Variants in PUDP observed in about 807,000 individuals in gnomAD.
PUDP encodes the protein pseudouridine-5'-phosphatase.
In PUDP, 8 loss-of-function variants were observed where a neutral mutation model predicts 9.4. That is an observed-to-expected ratio of 0.85 (90% CI 0.50 to 1.53). The LOEUF is 1.53. Ranked by LOEUF, PUDP falls within the 40% of genes most tolerant of loss-of-function variation. The probability of loss-of-function intolerance (pLI) is 0.00; values close to 1 mark genes in which losing one functional copy is unlikely to be tolerated. For synonymous variants in PUDP, 99 were observed against 80.7 expected (o/e 1.23, Z -1.22); for missense variants, 188 against 189.7 (o/e 0.99, Z 0.05).
At position 7,139,501 on chromosome X, in the gene PUDP, G is replaced by A. The variant is rs369589233; in HGVS notation, c.61+8552C>T. Among the ~76,000 whole-genome samples, 14 of 111,687 alleles carry A rather than the reference G, an allele frequency of 1.3e-4. No homozygotes were observed. In the South Asian group the frequency reaches 2.6e-3, roughly 21 times the overall value. ...GTGCTGGGCTAGAGAGCAGACAGGCGCACAGTGCTCAAGGACCATGTGCTT... is the reference window on the plus strand; with the variant it reads ...GTGCTGGGCTAGAGAGCAGACAGGCACACAGTGCTCAAGGACCATGTGCTT... On this transcript the variant is annotated intron_variant, in intron 1 of 3. Coordinates refer to ENST00000381077, the MANE Select transcript of PUDP (RefSeq NM_012080.5).
intron 1 of PUDP, among the ~76,000 whole-genome samples, chrX:7,033,844 A>G (rs937396676): frequency 5.4e-5 from 6 of 112,107 alleles, no homozygotes; most frequent in East Asian, 2.8e-4. Context: ...TTGTCAATAC[A>G]TATTGGGGTG....
chrX:7,009,349 G>C (rs1929446012), intron 1 of PUDP, among the ~76,000 whole-genome samples: 1 of 112,078 alleles, frequency 8.9e-6, no homozygotes, highest in South Asian at 3.7e-4. Flanking sequence ...AGGGTAGGCA[G>C]ATACTTCGGA....
chrX:6,718,855 G>A (rs1053471962), intron 1 of PUDP, among the ~76,000 whole-genome samples: 2 of 111,947 alleles, frequency 1.8e-5, no homozygotes, highest in Non-Finnish European at 3.8e-5. Context: ...GATAGCTACA[G>A]GGCAAAGAAC....
intron 3 of PUDP, among the ~76,000 whole-genome samples, chrX:6,745,956 T>C (rs1224553287): frequency 8.9e-6 from 1 of 111,996 alleles, no homozygotes; most frequent in Non-Finnish European, 1.9e-5. Flanking sequence ...CCATGTCCTC[T>C]TTCATTGACC....
chrX:6,794,737 T>C (rs1350823052), intron 3 of PUDP, among the ~76,000 whole-genome samples: 1 of 108,987 alleles, frequency 9.2e-6, no homozygotes, highest in Admixed American at 9.9e-5. Flanking sequence ...TTTTTGTGTT[T>C]TTAGTAGAGA....
chrX:6,896,904 AT>A (rs745395495), intron 3 of PUDP, among the ~76,000 whole-genome samples: 1 of 111,264 alleles, frequency 9.0e-6, no homozygotes, highest in Non-Finnish European at 1.9e-5. Flanking sequence ...GAGTAGTATA[AT>A]TATTGCAATT....
chrX:6,732,845 A>G (rs1226239559), intron 3 of PUDP, among the ~76,000 whole-genome samples: 1 of 112,101 alleles, frequency 8.9e-6, no homozygotes, highest in Non-Finnish European at 1.9e-5. Flanking sequence ...CTAACCACTG[A>G]GTACCATTTT....
chrX:6,853,166 G>A (rs748974643), intron 3 of PUDP, among the ~76,000 whole-genome samples: 49 of 111,347 alleles, frequency 4.4e-4, no homozygotes, highest in South Asian at 1.9e-3. Context: ...TGCAGCTGTC[G>A]GCATGTCTTA....
intron 1 of PUDP, among the ~76,000 whole-genome samples, chrX:7,027,460 ATGTG>A (rs759600811): frequency 9.5e-6 from 1 of 105,261 alleles, no homozygotes; most frequent in East Asian, 3.0e-4. Context: ...ATACATATAT[ATGTG>A]TGTGTGTGTG....
chrX:6,935,966 A>G (rs1238264033), intron 3 of PUDP, among the ~76,000 whole-genome samples: 4 of 105,837 alleles, frequency 3.8e-5, no homozygotes, highest in Non-Finnish European at 7.8e-5. Context: ...GACCAATAAC[A>G]GGATCTGAAA....
At chrX:6,995,704 A>G (rs1156723809) in intron 1 of PUDP, among the ~76,000 whole-genome samples, 2 of 109,754 alleles carry the variant, frequency 1.8e-5, no homozygotes, top group South Asian at 8.3e-4. Context: ...AGCCTGGGTG[A>G]CAGAACAAGA....
chrX:6,852,951 C>T (rs748081432), intron 3 of PUDP, among the ~76,000 whole-genome samples: 7 of 111,493 alleles, frequency 6.3e-5, no homozygotes, highest in African/African-American at 2.3e-4. Flanking sequence ...TTGAATGCAA[C>T]GGCTTTTATA....
chrX:6,802,911 C>A (rs192020604), intron 3 of PUDP, among the ~76,000 whole-genome samples: 9 of 3,679 alleles, frequency 2.4e-3, no homozygotes, highest in Admixed American at 5.5e-3. Context: ...CATAACATAA[C>A]ATAACATAAC....
intron 3 of PUDP, among the ~76,000 whole-genome samples, chrX:6,929,475 A>G (rs1378371579): frequency 1.8e-5 from 2 of 112,878 alleles, no homozygotes; most frequent in Non-Finnish European, 3.7e-5. Flanking sequence ...TTATTGTCTA[A>G]AGACCTGGAA....
At chrX:6,852,831 T>C (rs1602645946) in intron 3 of PUDP, among the ~76,000 whole-genome samples, 2 of 111,421 alleles carry the variant, frequency 1.8e-5, no homozygotes, top group African/African-American at 6.5e-5. Flanking sequence ...ACCAAGAGAA[T>C]TGAGGAGCAT....
At chrX:6,868,078 C>T (rs975395832) in intron 3 of PUDP, among the ~76,000 whole-genome samples, 1 of 111,683 alleles carries the variant, frequency 9.0e-6, no homozygotes, top group Non-Finnish European at 1.9e-5. Context: ...CTTTGGGGAA[C>T]ACATTCAAAC....
chrX:6,779,023 G>T (rs1179326373), intron 3 of PUDP, among the ~76,000 whole-genome samples: 1 of 111,854 alleles, frequency 8.9e-6, no homozygotes, highest in Non-Finnish European at 1.9e-5. Context: ...GCTCCAGCAG[G>T]ATTGAAATAT....
intron 3 of PUDP, among the ~76,000 whole-genome samples, chrX:6,780,031 C>A (rs185898186): frequency 1.8e-5 from 2 of 110,702 alleles, no homozygotes; most frequent in Non-Finnish European, 3.8e-5. Flanking sequence ...TAAAAAGAAA[C>A]AAATATAGAT....
At chrX:6,983,012 G>A (rs994180121) in intron 1 of PUDP, among the ~76,000 whole-genome samples, 1 of 112,460 alleles carries the variant, frequency 8.9e-6, no homozygotes, top group Non-Finnish European at 1.9e-5. Flanking sequence ...AAAAAAGAAT[G>A]ATGTTCTGAT....
Sources: gnomAD v4.1 joint callset for allele counts (sites outside exome capture counted in the v4.1 genomes callset) on GRCh38, gnomAD v4.1.1 for gene constraint, MANE v1.5 for transcripts, NCBI Gene and HGNC (gene_info 2026-07-23, HGNC 2026-07-21) for gene names.